FGR: variants seen among roughly 807,000 people sequenced by gnomAD.
The protein encoded by FGR is FGR proto-oncogene, Src family tyrosine kinase, also known as tyrosine-protein kinase Fgr.
FGR carries 26 observed loss-of-function variants against 63.2 expected under a neutral mutation model. The ratio of observed to expected loss-of-function variants is 0.41; its 90% CI spans 0.30 to 0.57. FGR has a LOEUF of 0.57. Among genes scored for constraint, FGR ranks in the 20% least tolerant of loss-of-function variants. The pLI is 0.27. For synonymous variants in FGR, 286 were observed against 277.7 expected (o/e 1.03, Z -0.30); for missense variants, 511 against 690.8 (o/e 0.74, Z 2.92).
chr1:27,613,453 A>C, intron 11 of FGR, 103 bp from the exon 12 acceptor site: 1 of 1,365,100 alleles, frequency 7.3e-7, no homozygotes, highest in Non-Finnish European at 1.0e-6. Context: ...CTGTAATCCC[A>C]GCACTTTGGG....
At chr1:27,626,184 C>T (rs1571401541) in intron 1 of FGR, 1 of 398,676 alleles carries the variant, frequency 2.5e-6, no homozygotes, top group Non-Finnish European at 4.4e-6. Context: ...GGCAGGAGGT[C>T]ATTGAGCAAG....
intron 1 of FGR, among the ~76,000 whole-genome samples, chr1:27,629,269 T>C (rs930579318): frequency 2.0e-5 from 3 of 152,006 alleles, no homozygotes; most frequent in African/African-American, 7.2e-5. Context: ...ATTTCCATGG[T>C]GTAAATATTC....
chr1:27,614,388 G>A (rs747901515), intron 11 of FGR, 42 bp downstream of exon 11: 1 of 1,593,790 alleles, frequency 6.3e-7, no homozygotes, highest in Admixed American at 1.7e-5. Context: ...GAAGTCCCTT[G>A]TTGCATGGGG....
chr1:27,632,639 G>C (rs549600078), intron 1 of FGR, among the ~76,000 whole-genome samples: 8 of 151,826 alleles, frequency 5.3e-5, no homozygotes, highest in African/African-American at 1.7e-4. Context: ...GGTAAAAGTG[G>C]TTTTCCACCT....
intron 1 of FGR, among the ~76,000 whole-genome samples, chr1:27,625,525 C>T (rs2090006719): frequency 6.6e-6 from 1 of 152,262 alleles, no homozygotes; most frequent in South Asian, 2.1e-4. Flanking sequence ...GGGTGCCTGC[C>T]AGGTTAACAG....
chr1:27,612,605 A>G lies in FGR; in HGVS notation c.*309T>C. 1 of 323,246 alleles carries G rather than the reference A, an allele frequency of 3.1e-6. No individual in the cohort carries two copies. Among genetic ancestry groups the G allele is most frequent in the Non-Finnish European group, 5.8e-6 (1 of 172,864 alleles). The allele number at this position is 323,246 out of a possible 1,614,324, so 20.0% of individuals were successfully genotyped here. On this transcript the variant is annotated 3_prime_UTR_variant, in exon 13 of 13. Coordinates refer to ENST00000374005, the MANE Select transcript of FGR (RefSeq NM_005248.3). ...GTGAGGGAGGTACATACAGTTTTAT[A>G]AATAACTAGACAAGGTCTGAGCACT...
intron 1 of FGR, among the ~76,000 whole-genome samples, chr1:27,625,777 A>G (rs540950241): frequency 6.6e-6 from 1 of 152,264 alleles, no homozygotes; most frequent in East Asian, 1.9e-4. Flanking sequence ...CGTCTCTACT[A>G]AAAATACAAA....
intron 1 of FGR, among the ~76,000 whole-genome samples, chr1:27,634,073 C>T (rs2090142537): frequency 6.6e-6 from 1 of 152,182 alleles, no homozygotes; most frequent in African/African-American, 2.4e-5. Flanking sequence ...CGCCTCCTAC[C>T]TCGGTCGGGA....
intron 1 of FGR, among the ~76,000 whole-genome samples, chr1:27,629,642 C>A (rs568616571): frequency 6.6e-6 from 1 of 152,294 alleles, no homozygotes; most frequent in Non-Finnish European, 1.5e-5. Flanking sequence ...GCCACCAATT[C>A]TTTGGAGAGT....
At chr1:27,619,180 T>A (rs1016378350) in intron 5 of FGR, among the ~76,000 whole-genome samples, 86 of 152,334 alleles carry the variant, frequency 5.6e-4, no homozygotes, top group African/African-American at 1.4e-3. Context: ...ATAGCTTTTT[T>A]AAAAATTTTT....
chr1:27,623,538 T>C (rs1230499943), intron 3 of FGR, 153 bp downstream of exon 3: 1 of 786,156 alleles, frequency 1.3e-6, no homozygotes, highest in Non-Finnish European at 2.2e-6. Flanking sequence ...ATGGGAGGGC[T>C]GTACAGACTC....
rs2089844441 is a variant in FGR, at chr1:27,617,908, A to T, written c.429-612T>A. Among the ~76,000 whole-genome samples the T allele has an allele frequency of 2.0e-5, 3 of 150,806 alleles. No homozygotes were observed. Among genetic ancestry groups the T allele is most frequent in the South Asian group, 4.2e-4 (2 of 4,772 alleles). ...TAAACTTCAACCTCAGGCCTCAATC[A>T]CTCCTCTCCCTTGGGGATTCTTTCT... On this transcript the variant is annotated intron_variant, in intron 5 of 12. Transcript: ENST00000374005. This position sits in a 1 kb window ranked among gnomAD's most constrained non-coding sequence, Gnocchi z 4.5.
rs567711049 is a variant in FGR at position 27,616,438 on chromosome 1, C to T, written c.682+419G>A. On this transcript the variant is annotated intron_variant, in intron 7 of 12. Transcript: ENST00000374005. The surrounding 1 kb of genome is among the most constrained non-coding windows in gnomAD (Gnocchi z 4.3). ...AATGGACCCCTCACTCTGCCTTGGC[C>T]CCTGGCATCCAAGCTCCACCAGCAG... Among the ~76,000 whole-genome samples the T allele has an allele frequency of 6.6e-6, 1 of 152,200 alleles. No homozygotes were observed. The highest frequency in any genetic ancestry group is 1.5e-5 in the Non-Finnish European group (1 of 68,040).
intron 1 of FGR, among the ~76,000 whole-genome samples, chr1:27,628,186 C>A (rs57572423): frequency 0.024 from 3,350 of 141,790 alleles, 105 homozygotes; most frequent in African/African-American, 0.08. Context: ...AAAAAAAAAA[C>A]AAAAAAAAAC....
intron 4 of FGR, among the ~76,000 whole-genome samples, chr1:27,621,863 G>A (rs893982705): frequency 6.6e-6 from 1 of 152,152 alleles, no homozygotes; most frequent in Non-Finnish European, 1.5e-5. Context: ...ATAAGCTCGG[G>A]GGCACTTAGG....
At chr1:27,621,409 A>C (rs1442174367) in intron 5 of FGR, 150 bp downstream of exon 5, 1 of 620,680 alleles carries the variant, frequency 1.6e-6, no homozygotes, top group Non-Finnish European at 3.0e-6. Context: ...TTATCAGTAC[A>C]ATCTTCTTTT....
At chr1:27,624,921 C>G (rs1051997844) in intron 2 of FGR, among the ~76,000 whole-genome samples, 168 bp downstream of exon 2, 1 of 152,112 alleles carries the variant, frequency 6.6e-6, no homozygotes, top group Non-Finnish European at 1.5e-5. Flanking sequence ...CATTTCCTGT[C>G]GTGGGTCCAG....
rs557748962 is a variant in FGR, at chr1:27,632,866, T to C, written c.-77+2199A>G. ...GGGCGGTGAGGGGGACATCCTGCCT[T>C]TTCCCACCTTAGGTCAGCCCAGTCT... On this transcript the variant is annotated intron_variant, in intron 1 of 12. Coordinates refer to ENST00000374005, the MANE Select transcript of FGR (RefSeq NM_005248.3). Among the ~76,000 whole-genome samples the C allele has an allele frequency of 3.3e-5, 5 of 152,128 alleles. No individual in the cohort carries two copies. The East Asian group carries it at 9.7e-4, about 30-fold the overall frequency.
At chr1:27,624,896 G>A (rs2089994133) in intron 2 of FGR, among the ~76,000 whole-genome samples, 193 bp downstream of exon 2, 1 of 152,144 alleles carries the variant, frequency 6.6e-6, no homozygotes, top group Non-Finnish European at 1.5e-5. Context: ...AGTCACTGCA[G>A]AGGGGGATCA....
Sources: allele counts gnomAD v4.1 joint callset (sites outside exome capture counted in the v4.1 genomes callset), GRCh38; gene constraint gnomAD v4.1.1; non-coding constraint Gnocchi (gnomAD v3.1); transcripts MANE v1.5; gene names NCBI Gene and HGNC (gene_info 2026-07-23, HGNC 2026-07-21).